The following LRMDA variants were observed in gnomAD, a reference collection of about 807,000 sequenced individuals.
The protein encoded by LRMDA is leucine rich melanocyte differentiation associated, also known as leucine-rich melanocyte differentiation-associated protein.
LRMDA carries 18 observed loss-of-function variants against 29.8 expected under a neutral mutation model. The ratio of observed to expected loss-of-function variants is 0.60; its 90% CI spans 0.42 to 0.90. The LOEUF (loss-of-function observed/expected upper bound fraction) is 0.90. LRMDA is among the 40% of genes least tolerant of loss of function. The probability of loss-of-function intolerance (pLI) is 0.00; values close to 1 mark genes in which losing one functional copy is unlikely to be tolerated. For synonymous variants in LRMDA, 125 were observed against 109.4 expected (o/e 1.14, Z -0.89); for missense variants, 273 against 273.9 (o/e 1.00, Z 0.02).
intron 2 of LRMDA, among the ~76,000 whole-genome samples, chr10:75,979,157 T>C (rs1014358528): frequency 1.3e-5 from 2 of 152,210 alleles, no homozygotes; most frequent in East Asian, 1.9e-4. Context: ...TAGTCATTGT[T>C]CTTATTGTTA....
intron 5 of LRMDA, among the ~76,000 whole-genome samples, chr10:76,085,565 C>G (rs1849120270): frequency 6.6e-6 from 1 of 152,128 alleles, no homozygotes; most frequent in Non-Finnish European, 1.5e-5. Flanking sequence ...TTACTTTCCC[C>G]TGGCCCCTAC....
rs373794772 is a variant in LRMDA at position 75,801,890 on chromosome 10, G to C, written c.132-234118G>C. Among the ~76,000 whole-genome samples the C allele has an allele frequency of 1.5e-4, 23 of 152,268 alleles. No individual in the cohort carries two copies. The South Asian group carries it at 4.8e-3, about 32-fold the overall frequency. ...GTAAGAGATGATGATGATTGATCTG[G>C]GTCAAACAAAATGATTTGTTGAGAG... On this transcript the variant is annotated intron_variant, in intron 2 of 6. Coordinates refer to ENST00000611255, the MANE Select transcript of LRMDA (RefSeq NM_001305581.2).
chr10:76,014,706 G>C (rs1589289546), intron 2 of LRMDA, among the ~76,000 whole-genome samples: 1 of 152,172 alleles, frequency 6.6e-6, no homozygotes, highest in Non-Finnish European at 1.5e-5. Context: ...AACAACTTAG[G>C]CTCCTTCTAA....
intron 6 of LRMDA, among the ~76,000 whole-genome samples, chr10:76,477,461 A>G (rs980842475): frequency 7.2e-5 from 11 of 152,058 alleles, no homozygotes; most frequent in African/African-American, 2.7e-4. Flanking sequence ...AATATCGTGA[A>G]AATGGCCATA....
chr10:76,422,015 G>T (rs1418721260), intron 6 of LRMDA, among the ~76,000 whole-genome samples: 2 of 152,122 alleles, frequency 1.3e-5, no homozygotes, highest in Non-Finnish European at 2.9e-5. Flanking sequence ...AAACTGGGCT[G>T]CAGACTTGGT....
chr10:76,051,127 C>A (rs1037708095), intron 4 of LRMDA, among the ~76,000 whole-genome samples: 47 of 152,246 alleles, frequency 3.1e-4, no homozygotes, highest in African/African-American at 1.1e-3. Context: ...GAGGGAGGGA[C>A]CCTCCGCCGT....
chr10:76,073,905 C>T (rs1348945561), intron 5 of LRMDA, among the ~76,000 whole-genome samples: 1 of 152,158 alleles, frequency 6.6e-6, no homozygotes, highest in East Asian at 1.9e-4. Context: ...TTACGGGTTC[C>T]CTAGAGCATC....
Position 75,438,900 on chromosome 10 carries a change from A to C in LRMDA, c.131+406A>C, listed in dbSNP as rs184399348. 9.8e-5 allele frequency among the ~76,000 whole-genome samples: 15 copies of C among 152,314 alleles called. No homozygotes were observed. The East Asian group carries it at 2.1e-3, about 22-fold the overall frequency. ...CTTTCTTAGGATAAACACATGTCCC[A>C]AAACATTCGTCGAGTCACAGGTAGG... On this transcript the variant is annotated intron_variant, in intron 2 of 6. Transcript: ENST00000611255.
intron 2 of LRMDA, among the ~76,000 whole-genome samples, chr10:75,568,640 G>A (rs1840401203): frequency 6.6e-6 from 1 of 152,214 alleles, no homozygotes; most frequent in African/African-American, 2.4e-5. Context: ...AGGATCTGAA[G>A]AGGAGGGAGA....
intron 6 of LRMDA, among the ~76,000 whole-genome samples, chr10:76,518,414 T>C: frequency 6.6e-6 from 1 of 152,190 alleles, no homozygotes; most frequent in East Asian, 1.9e-4. Flanking sequence ...GAAGAGGACC[T>C]CATGTAATGA....
chr10:75,692,558 TGTATAC>T (rs1187624082), intron 2 of LRMDA, among the ~76,000 whole-genome samples: 1 of 127,336 alleles, frequency 7.9e-6, no homozygotes, highest in Admixed American at 8.7e-5. Flanking sequence ...CATATACATA[TGTATAC>T]GTGTGTGTGT....
intron 5 of LRMDA, among the ~76,000 whole-genome samples, chr10:76,131,963 G>A (rs554150060): frequency 3.3e-5 from 5 of 152,148 alleles, no homozygotes; most frequent in Non-Finnish European, 7.4e-5. Context: ...GATGGTTAAT[G>A]TTCCTTAAGC....
At chr10:75,439,779 A>G (rs1844306555) in intron 2 of LRMDA, among the ~76,000 whole-genome samples, 1 of 152,230 alleles carries the variant, frequency 6.6e-6, no homozygotes, top group Non-Finnish European at 1.5e-5. Context: ...AAATAAATAC[A>G]TGCTGACTCT....
chr10:75,861,292 G>T, intron 2 of LRMDA, among the ~76,000 whole-genome samples: 1 of 152,240 alleles, frequency 6.6e-6, no homozygotes, highest in Non-Finnish European at 1.5e-5. Flanking sequence ...GGGGAGAATT[G>T]TTGGAGCGTG....
chr10:76,304,424 C>A (rs1353285983), intron 5 of LRMDA, among the ~76,000 whole-genome samples: 1 of 152,204 alleles, frequency 6.6e-6, no homozygotes, highest in African/African-American at 2.4e-5. Context: ...AACTTGTAGT[C>A]CTTTCACATA....
At chr10:76,235,655 A>G (rs1472875246) in intron 5 of LRMDA, among the ~76,000 whole-genome samples, 3 of 152,140 alleles carry the variant, frequency 2.0e-5, no homozygotes, top group African/African-American at 4.8e-5. Flanking sequence ...GGCTGATAAG[A>G]TTCTACGGGA....
Position 76,332,937 on chromosome 10 carries a change from A to G in LRMDA, c.601+8452A>G, listed in dbSNP as rs78285782. Among the ~76,000 whole-genome samples the G allele has an allele frequency of 8.4e-3, 1,277 of 152,276 alleles. 36 individuals are homozygous for G. The East Asian group carries it at 0.097, about 12-fold the overall frequency. ...AATGAAGTAATACCAACCAAACAAT[A>G]TATTATATATTACATAAATAAGAGC... is the stretch of plus-strand genomic sequence containing the variant. On this transcript the variant is annotated intron_variant, in intron 6 of 6. Transcript: ENST00000611255.
chr10:75,970,580 T>C (rs1319060615), intron 2 of LRMDA, among the ~76,000 whole-genome samples: 2 of 152,234 alleles, frequency 1.3e-5, no homozygotes, highest in Non-Finnish European at 2.9e-5. Flanking sequence ...GTGCATTTTA[T>C]GAGGCCAGCT....
chr10:76,007,046 A>C (rs1171653843), intron 2 of LRMDA, among the ~76,000 whole-genome samples: 1 of 120,542 alleles, frequency 8.3e-6, no homozygotes, highest in Non-Finnish European at 1.6e-5. Context: ...GTGTGTGTTT[A>C]TATATTTATT....
Sources: gnomAD v4.1 joint callset for allele counts (sites outside exome capture counted in the v4.1 genomes callset) on GRCh38, gnomAD v4.1.1 for gene constraint, MANE v1.5 for transcripts, NCBI Gene and HGNC (gene_info 2026-07-23, HGNC 2026-07-21) for gene names.